Variants in PCYT1B observed in about 807,000 individuals in gnomAD.
PCYT1B encodes phosphate cytidylyltransferase 1B, choline.
Under a neutral mutation model 26.4 loss-of-function variants are expected in PCYT1B, and 10 were observed. The ratio of observed to expected loss-of-function variants is 0.38; its 90% CI spans 0.23 to 0.64. The LOEUF (loss-of-function observed/expected upper bound fraction) is 0.64. Among genes scored for constraint, PCYT1B ranks in the 30% least tolerant of loss-of-function variants. The probability of loss-of-function intolerance (pLI) is 0.56; values close to 1 mark genes in which losing one functional copy is unlikely to be tolerated. For missense variants in PCYT1B, 161 were observed against 292.7 expected, an observed-to-expected ratio of 0.55 and a Z score of 3.28; for synonymous variants, 131 against 108.4, an observed-to-expected ratio of 1.21 and a Z score of -1.29.
intron 3 of PCYT1B, among the ~76,000 whole-genome samples, chrX:24,591,677 C>T (rs943476777): frequency 1.8e-5 from 2 of 111,337 alleles, no homozygotes; most frequent in Admixed American, 9.6e-5. Flanking sequence ...CCGGTCTCAG[C>T]CTCCCAAAGT....
intron 1 of PCYT1B, among the ~76,000 whole-genome samples, chrX:24,654,568 T>A (rs1281544369): frequency 9.7e-6 from 1 of 103,463 alleles, no homozygotes; most frequent in Admixed American, 1.0e-4. Context: ...CTGGGTAACA[T>A]GGCAAAACCT....
At chrX:24,620,928 A>G in intron 1 of PCYT1B, among the ~76,000 whole-genome samples, 1 of 111,679 alleles carries the variant, frequency 9.0e-6, no homozygotes, top group Non-Finnish European at 1.9e-5. Flanking sequence ...CTTCAGCTCT[A>G]ATAGGCCGGC....
chrX:24,665,939 T>C (rs182278653), intron 1 of PCYT1B, among the ~76,000 whole-genome samples: 102 of 110,749 alleles, frequency 9.2e-4, no homozygotes, highest in African/African-American at 3.1e-3. Flanking sequence ...ATCTGTGGTA[T>C]CTCTAGGTGG....
chrX:24,568,252 T>A (rs1923699303), intron 7 of PCYT1B, among the ~76,000 whole-genome samples: 1 of 111,161 alleles, frequency 9.0e-6, no homozygotes, highest in Non-Finnish European at 1.9e-5. Context: ...TGTGAGCCAG[T>A]CTGGGTGCGA....
At chrX:24,604,122 T>C (rs1925049908) in intron 3 of PCYT1B, among the ~76,000 whole-genome samples, 1 of 108,214 alleles carries the variant, frequency 9.2e-6, no homozygotes, top group Non-Finnish European at 1.9e-5. Context: ...AATCTCACTC[T>C]GTGGTCCAGA....
intron 2 of PCYT1B, among the ~76,000 whole-genome samples, chrX:24,612,116 A>G (rs973934675): frequency 3.5e-5 from 4 of 112,948 alleles, no homozygotes; most frequent in African/African-American, 1.3e-4. Flanking sequence ...CATGGCAAGG[A>G]CCTGCAGGTG....
intron 1 of PCYT1B, among the ~76,000 whole-genome samples, chrX:24,659,804 C>T (rs1400550520): frequency 9.0e-6 from 1 of 111,215 alleles, no homozygotes; most frequent in African/African-American, 3.3e-5. Flanking sequence ...GGTAACTAAG[C>T]CTCTCCTGTG....
intron 1 of PCYT1B, among the ~76,000 whole-genome samples, chrX:24,664,096 A>AC (rs935155430): frequency 3.6e-5 from 4 of 110,544 alleles, no homozygotes; most frequent in African/African-American, 1.3e-4. Flanking sequence ...GGTTGTCATG[A>AC]CTTGGGGAAG....
chrX:24,579,684 T>C (rs1463372555), intron 5 of PCYT1B, among the ~76,000 whole-genome samples: 1 of 111,132 alleles, frequency 9.0e-6, no homozygotes, highest in Non-Finnish European at 1.9e-5. Flanking sequence ...GGACATACCA[T>C]GTACTTGCCT....
chrX:24,670,117 G>GAGAGA (rs1927224404), intron 1 of PCYT1B, among the ~76,000 whole-genome samples: 1 of 74,697 alleles, frequency 1.3e-5, no homozygotes, highest in Admixed American at 1.4e-4. Flanking sequence ...AGAAAGAAAG[G>GAGAGA]AAGGAAGGAA....
In PCYT1B at chrX:24,663,800, TC is replaced by T. The variant is rs765829276; in HGVS notation, c.63+8769del. On this transcript the variant is annotated intron_variant, in intron 1 of 7. Coordinates refer to the PCYT1B transcript ENST00000379145. Reference sequence around the variant, plus strand: ...ACTGCGTGGTGGCGGGCACTTGTGATCCCAGCTACTCAGGAGGCTGAGACAG... The same window carrying T: ...ACTGCGTGGTGGCGGGCACTTGTGATCCAGCTACTCAGGAGGCTGAGACAG... Among the ~76,000 whole-genome samples, 3 of 111,110 alleles carry T rather than the reference TC, an allele frequency of 2.7e-5. No homozygotes were observed. In the East Asian group the frequency reaches 8.5e-4, roughly 32 times the overall value.
chrX:24,609,180 T>C (rs1220145166), intron 2 of PCYT1B, among the ~76,000 whole-genome samples: 1 of 111,028 alleles, frequency 9.0e-6, no homozygotes, highest in Non-Finnish European at 1.9e-5. Context: ...TCTTTTTTTT[T>C]TTCTTTTTGA....
chrX:24,634,810 T>C (rs1357840451), intron 1 of PCYT1B, among the ~76,000 whole-genome samples: 1 of 111,660 alleles, frequency 9.0e-6, no homozygotes, highest in Non-Finnish European at 1.9e-5. Flanking sequence ...AAAGCAAAGA[T>C]AATGCAAACA....
At position 24,579,297 on chromosome X, in the gene PCYT1B, T is replaced by C. The variant is rs1196448871; in HGVS notation, c.708+19A>G. 1 of 1,202,780 alleles carries C rather than the reference T, an allele frequency of 8.3e-7. No homozygotes were observed. The highest frequency in any genetic ancestry group is 1.8e-5 in the South Asian group (1 of 56,304). On this transcript the variant is annotated intron_variant, in intron 6 of 7. Coordinates refer to ENST00000379144, the MANE Select transcript of PCYT1B (RefSeq NM_004845.5). ...GTGTGGCATGGTGGTCTTCAGAGGG[T>C]TTGAGGTGGCATGCTTACATTTATA... is the stretch of plus-strand genomic sequence containing the variant.
chrX:24,635,928 G>A (rs1369091573), intron 1 of PCYT1B, among the ~76,000 whole-genome samples: 1 of 112,004 alleles, frequency 8.9e-6, no homozygotes, highest in Non-Finnish European at 1.9e-5. Flanking sequence ...AGGTACTCTT[G>A]CTACCTAACC....
At chrX:24,659,555 G>T (rs185271543) in intron 1 of PCYT1B, among the ~76,000 whole-genome samples, 2 of 111,808 alleles carry the variant, frequency 1.8e-5, no homozygotes, top group East Asian at 5.6e-4. Context: ...CACTTTAGGG[G>T]TGTCTTAGTC....
intron 3 of PCYT1B, among the ~76,000 whole-genome samples, chrX:24,591,469 G>T (rs1327962783): frequency 9.0e-6 from 1 of 110,546 alleles, no homozygotes; most frequent in East Asian, 2.8e-4. Context: ...TGTCACCCAG[G>T]CTGGAGTTCA....
chrX:24,601,999 T>C (rs1924982646), intron 3 of PCYT1B, among the ~76,000 whole-genome samples: 1 of 112,449 alleles, frequency 8.9e-6, no homozygotes, highest in Non-Finnish European at 1.9e-5. Context: ...CTCCTTGGTA[T>C]TTATCCAAAT....
intron 5 of PCYT1B, among the ~76,000 whole-genome samples, chrX:24,582,890 C>T (rs927832357): frequency 8.9e-6 from 1 of 111,848 alleles, no homozygotes; most frequent in Non-Finnish European, 1.9e-5. Flanking sequence ...ACCTGGGTCC[C>T]AAATAGATCA....
Sources: allele counts gnomAD v4.1 joint callset (sites outside exome capture counted in the v4.1 genomes callset), GRCh38; gene constraint gnomAD v4.1.1; transcripts MANE v1.5; gene names NCBI Gene and HGNC (gene_info 2026-07-23, HGNC 2026-07-21).